SHCBP1L: variants seen among roughly 807,000 people sequenced by gnomAD.
SHCBP1L encodes the protein testicular spindle-associated protein SHCBP1L.
SHCBP1L carries 67 observed loss-of-function variants against 62.5 expected under a neutral mutation model. That is an observed-to-expected ratio of 1.07 (90% CI 0.88 to 1.31). The LOEUF is 1.31. SHCBP1L is among the 40% of genes most tolerant of loss of function. SHCBP1L has a pLI of 0.00. For synonymous variants in SHCBP1L, 284 were observed against 289.4 expected, an observed-to-expected ratio of 0.98 and a Z score of 0.19; for missense variants, 823 against 809.8, an observed-to-expected ratio of 1.02 and a Z score of -0.20.
intron 6 of SHCBP1L, among the ~76,000 whole-genome samples, chr1:182,912,149 A>C (rs570589515): frequency 6.6e-6 from 1 of 152,322 alleles, no homozygotes; most frequent in East Asian, 1.9e-4. Flanking sequence ...CCCTCATTCC[A>C]AACCAGATTC....
rs184211543 is a variant in SHCBP1L at position 182,931,567 on chromosome 1, A to G, written c.1077-1815T>C. On this transcript the variant is annotated intron_variant, in intron 5 of 9. Transcript: ENST00000367547. ...AACAAACATTGGTCTGCTTTCTGTC[A>G]TTACGTATTTCCCTTCCTTCAAATT... Among the ~76,000 whole-genome samples, 3 of 152,196 alleles carry G rather than the reference A, an allele frequency of 2.0e-5. No homozygotes were observed. The East Asian group carries it at 5.8e-4, about 29-fold the overall frequency.
At chr1:182,905,458 A>G in intron 7 of SHCBP1L, 38 bp downstream of exon 7, 1 of 1,602,284 alleles carries the variant, frequency 6.2e-7, no homozygotes, top group Non-Finnish European at 8.5e-7. Context: ...TCCAGTATAC[A>G]TTGCTGTAAA....
intron 5 of SHCBP1L, among the ~76,000 whole-genome samples, chr1:182,930,881 T>G (rs904759740): frequency 1.2e-3 from 171 of 144,290 alleles, no homozygotes; most frequent in African/African-American, 4.3e-3. Flanking sequence ...ATGTGCCACC[T>G]TGCCTGGCTT....
In SHCBP1L at chr1:182,953,082, T is replaced by C; in HGVS notation, c.52A>G (p.Ser18Gly). ...GACTTCTCGCCTCGCCTGTCCGGGC[T>C]GATGGTGCGGAATGAGTCCGCGGGC... ...SVPADSFRTI[S>G]PDRRGEKSAS... is the part of the protein sequence containing the mutation. The change falls in exon 1 of 10, where the codon AGC (serine) becomes GGC (glycine). Residue 18 changes from serine (S) to glycine (G), a missense_variant. Ser to Gly is a moderately conservative substitution (Grantham distance 56, BLOSUM62 0). Coordinates refer to ENST00000367547, the MANE Select transcript of SHCBP1L (RefSeq NM_030933.4). 1 of 1,563,068 alleles carries C rather than the reference T, an allele frequency of 6.4e-7. No individual in the cohort carries two copies. The highest frequency in any genetic ancestry group is 8.6e-7 in the Non-Finnish European group (1 of 1,161,510).
At chr1:182,942,476 G>A in intron 2 of SHCBP1L, 1 of 653,836 alleles carries the variant, frequency 1.5e-6, no homozygotes, top group Non-Finnish European at 2.8e-6. Context: ...AAACTGGGCT[G>A]CCTGGCCGCT....
At chr1:182,952,235 T>TAC (rs68031715) in intron 1 of SHCBP1L, among the ~76,000 whole-genome samples, 816 of 42,604 alleles carry the variant, frequency 0.019, 38 homozygotes, top group Non-Finnish European at 0.021. Flanking sequence ...TATATATATA[T>TAC]ACACACACAC....
rs1651859106 is a variant in SHCBP1L, at chr1:182,953,161, G to A, written c.-28C>T. 6.4e-7 allele frequency: 1 copy of A among 1,570,038 alleles called. No individual in the cohort carries two copies. ...CCTCAGCAGCCCGAGGGCCGAGGCA[G>A]CCGTTGGCCACTTTTCCCGCCCTCG... On this transcript the variant is annotated 5_prime_UTR_variant, in exon 1 of 10. Coordinates refer to ENST00000367547, the MANE Select transcript of SHCBP1L (RefSeq NM_030933.4).
chr1:182,912,247 G>A (rs1650211794), intron 6 of SHCBP1L, among the ~76,000 whole-genome samples: 1 of 152,150 alleles, frequency 6.6e-6, no homozygotes. Flanking sequence ...TTTGAGACCT[G>A]CCTGGGCAAT....
intron 2 of SHCBP1L, among the ~76,000 whole-genome samples, chr1:182,949,827 CT>C (rs1193224921): frequency 0.048 from 6,534 of 136,764 alleles, 94 homozygotes; most frequent in African/African-American, 0.072. Context: ...ATATGGTATT[CT>C]TTTTTTTTTT....
intron 6 of SHCBP1L, among the ~76,000 whole-genome samples, chr1:182,916,634 C>T (rs1300841721): frequency 6.6e-6 from 1 of 151,986 alleles, no homozygotes; most frequent in African/African-American, 2.4e-5. Context: ...TTCATACCAA[C>T]AAAAATTAAG....
At chr1:182,939,934 T>C (rs1465026100) in intron 3 of SHCBP1L, among the ~76,000 whole-genome samples, 1 of 152,100 alleles carries the variant, frequency 6.6e-6, no homozygotes, top group Non-Finnish European at 1.5e-5. Context: ...TCAAATTGTA[T>C]CAACTTATAA....
At chr1:182,910,376 G>A (rs114949996) in intron 6 of SHCBP1L, among the ~76,000 whole-genome samples, 1,537 of 152,272 alleles carry the variant, frequency 0.01, 12 homozygotes, top group South Asian at 0.029. Context: ...GTGCCAGCAG[G>A]CCACCAGGTG....
chr1:182,926,589 A>T (rs1650754044), intron 6 of SHCBP1L, among the ~76,000 whole-genome samples: 1 of 152,218 alleles, frequency 6.6e-6, no homozygotes, highest in Non-Finnish European at 1.5e-5. Context: ...ATCTCATAGA[A>T]ATATTAAGAA....
At chr1:182,900,457 G>A (rs982474531) in intron 9 of SHCBP1L, among the ~76,000 whole-genome samples, 1 of 151,586 alleles carries the variant, frequency 6.6e-6, no homozygotes, top group Non-Finnish European at 1.5e-5. Context: ...TTTTGAGATG[G>A]AGTCTTGCTT....
intron 2 of SHCBP1L, among the ~76,000 whole-genome samples, chr1:182,941,820 T>C (rs1185514336): frequency 6.6e-6 from 1 of 152,164 alleles, no homozygotes; most frequent in African/African-American, 2.4e-5. Context: ...ACCCCCCACC[T>C]ATGGAATGTT....
rs1651676818 is a variant in SHCBP1L, at chr1:182,949,452, T to C, written c.555+1866A>G. ...GTGGCTCTGCCTGTAATCCCAGCAC[T>C]TTGGGAGACTGAGGTGGGTGGATCA... On this transcript the variant is annotated intron_variant, in intron 2 of 9. Transcript: ENST00000367547. Among the ~76,000 whole-genome samples, 3 of 152,112 alleles carry C rather than the reference T, an allele frequency of 2.0e-5. No homozygotes were observed. The South Asian group carries it at 6.2e-4, about 32-fold the overall frequency.
At chr1:182,924,786 A>AAGAAAGAAAGAGAGAG (rs1557996865) in intron 6 of SHCBP1L, among the ~76,000 whole-genome samples, 2 of 92,974 alleles carry the variant, frequency 2.2e-5, no homozygotes, top group South Asian at 4.1e-4. Context: ...GAAAGAAAGA[A>AAGAAAGAAAGAGAGAG]AGAGAGAAAG....
chr1:182,907,878 C>CT lies in SHCBP1L; in HGVS notation c.1183-2230dup, dbSNP rs539127385. Among the ~76,000 whole-genome samples, 134 of 152,112 alleles carry CT rather than the reference C, an allele frequency of 8.8e-4. 1 individual carries two copies. The highest frequency in any genetic ancestry group is 6.8e-3 in the Middle Eastern group (2 of 294). ...ACAGGCGTGAGCCACTGCACCCAGC[C>CT]TTTTTTTATTATAAAAGTGATACTT... On this transcript the variant is annotated intron_variant, in intron 6 of 9. Coordinates refer to ENST00000367547, the MANE Select transcript of SHCBP1L (RefSeq NM_030933.4).
intron 2 of SHCBP1L, among the ~76,000 whole-genome samples, chr1:182,948,058 C>G (rs1651619328): frequency 6.6e-6 from 1 of 152,256 alleles, no homozygotes; most frequent in South Asian, 2.1e-4. Flanking sequence ...TTATGACATA[C>G]AAAATATGTT....
Sources: allele counts gnomAD v4.1 joint callset (sites outside exome capture counted in the v4.1 genomes callset), GRCh38; gene constraint gnomAD v4.1.1; transcripts MANE v1.5; gene names NCBI Gene and HGNC (gene_info 2026-07-23, HGNC 2026-07-21).